Variants in LHFPL3 observed in about 807,000 individuals in gnomAD.
The protein encoded by LHFPL3 is LHFPL tetraspan subfamily member 3 protein.
Under a neutral mutation model 19.3 loss-of-function variants are expected in LHFPL3, and 5 were observed. The observed-to-expected ratio is 0.26, with a 90% CI of 0.14 to 0.54. The LOEUF (loss-of-function observed/expected upper bound fraction) is 0.54. Among genes scored for constraint, LHFPL3 ranks in the 20% least tolerant of loss-of-function variants. LHFPL3 has a pLI of 0.94. For missense variants in LHFPL3, 249 were observed against 307.4 expected, an observed-to-expected ratio of 0.81 and a Z score of 1.42; for synonymous variants, 133 against 126.2, an observed-to-expected ratio of 1.05 and a Z score of -0.36.
chr7:104,675,831 G>A (rs1792579275), intron 1 of LHFPL3, among the ~76,000 whole-genome samples: 1 of 132,906 alleles, frequency 7.5e-6, no homozygotes, highest in Non-Finnish European at 1.7e-5. Context: ...ACTGGTTTGG[G>A]AGGAAAATCA....
intron 1 of LHFPL3, among the ~76,000 whole-genome samples, chr7:104,587,134 T>G (rs1304781437): frequency 6.6e-6 from 1 of 152,254 alleles, no homozygotes; most frequent in Non-Finnish European, 1.5e-5. Flanking sequence ...TGTATTTTTA[T>G]TATACTTTAA....
chr7:104,906,480 G>A lies in LHFPL3; in HGVS notation c.*265G>A, dbSNP rs527974383. On this transcript the variant is annotated 3_prime_UTR_variant, in exon 3 of 3. Transcript: ENST00000424859. The stretch of plus-strand genomic sequence containing the variant: ...AACTCATTGGATGAGATCAGAAAAC[G>A]TTCATGAAAAATCATATTCAGGAAA... 7.0e-4 allele frequency: 321 copies of A among 460,864 alleles called. 4 individuals are homozygous for A. In the South Asian group the frequency reaches 0.015, roughly 21 times the overall value. 28.5% of individuals were successfully genotyped at this position (460,864 alleles called of 1,614,324 possible). A position where few individuals can be genotyped will look rare whatever the true frequency, so the allele number is the denominator to read the frequency against.
intron 1 of LHFPL3, among the ~76,000 whole-genome samples, chr7:104,437,418 C>A (rs1042051628): frequency 1.3e-5 from 2 of 152,164 alleles, no homozygotes; most frequent in African/African-American, 4.8e-5. Flanking sequence ...CTCTGATGAA[C>A]AACAACGGGG....
chr7:104,825,168 A>G (rs989566179), intron 2 of LHFPL3, among the ~76,000 whole-genome samples: 2 of 151,718 alleles, frequency 1.3e-5, no homozygotes, highest in Non-Finnish European at 2.9e-5. Flanking sequence ...TAGGAGGACC[A>G]TAGAAGGAAC....
intron 1 of LHFPL3, among the ~76,000 whole-genome samples, chr7:104,442,375 G>T (rs1792244736): frequency 6.6e-6 from 1 of 151,958 alleles, no homozygotes; most frequent in South Asian, 2.1e-4. Context: ...ATATTGACAC[G>T]ACGCTTTGAG....
chr7:104,419,759 A>C (rs1298633537), intron 1 of LHFPL3, among the ~76,000 whole-genome samples: 1 of 152,172 alleles, frequency 6.6e-6, no homozygotes, highest in Non-Finnish European at 1.5e-5. Flanking sequence ...GTTTAGGTGA[A>C]GGAAAGGCTA....
intron 1 of LHFPL3, among the ~76,000 whole-genome samples, chr7:104,733,969 C>A (rs1269907144): frequency 6.6e-6 from 1 of 152,056 alleles, no homozygotes; most frequent in Non-Finnish European, 1.5e-5. Context: ...TTTATTTCTC[C>A]TTCACTTATG....
At chr7:104,587,617 T>C (rs1026548468) in intron 1 of LHFPL3, among the ~76,000 whole-genome samples, 30 of 152,184 alleles carry the variant, frequency 2.0e-4, no homozygotes, top group Non-Finnish European at 4.1e-4. Flanking sequence ...TGATTTATAA[T>C]CCTTTGGGTA....
At chr7:104,678,913 TA>T (rs1394148345) in intron 1 of LHFPL3, among the ~76,000 whole-genome samples, 12 of 152,366 alleles carry the variant, frequency 7.9e-5, no homozygotes, top group Middle Eastern at 3.4e-3. Context: ...AATTAAAATC[TA>T]AATAAGTTTT....
chr7:104,749,221 A>G (rs961643287), intron 2 of LHFPL3, among the ~76,000 whole-genome samples: 2 of 152,248 alleles, frequency 1.3e-5, no homozygotes, highest in African/African-American at 4.8e-5. Flanking sequence ...TTTGGATCTT[A>G]TCAGATGCTA....
At chr7:104,846,155 G>A (rs1791309343) in intron 2 of LHFPL3, among the ~76,000 whole-genome samples, 1 of 152,118 alleles carries the variant, frequency 6.6e-6, no homozygotes, top group Non-Finnish European at 1.5e-5. Context: ...TCCTTCTGGT[G>A]TTCCTTGATT....
At chr7:104,737,045 G>C (rs1398669615) in intron 2 of LHFPL3, 134 bp downstream of exon 2, 2 of 646,936 alleles carry the variant, frequency 3.1e-6, no homozygotes, top group Non-Finnish European at 5.4e-6. Flanking sequence ...CGTGTAGCTT[G>C]CAGACTTTAC....
At chr7:104,640,307 T>C (rs1461124004) in intron 1 of LHFPL3, among the ~76,000 whole-genome samples, 1 of 152,106 alleles carries the variant, frequency 6.6e-6, no homozygotes, top group African/African-American at 2.4e-5. Flanking sequence ...TGGTGTGTGA[T>C]TCCCCTCCCT....
chr7:104,751,369 G>T (rs201074180), intron 2 of LHFPL3, among the ~76,000 whole-genome samples: 2,260 of 128,406 alleles, frequency 0.018, no homozygotes, highest in East Asian at 0.042. Flanking sequence ...TAAATGAGGG[G>T]CAGGCACTTC....
intron 1 of LHFPL3, among the ~76,000 whole-genome samples, chr7:104,615,587 A>G (rs1584440902): frequency 6.6e-6 from 1 of 152,186 alleles, no homozygotes; most frequent in African/African-American, 2.4e-5. Context: ...GGTTTGTTAC[A>G]TAGGTATACA....
At chr7:104,668,686 C>T in intron 1 of LHFPL3, 2 of 1,608,930 alleles carry the variant, frequency 1.2e-6, no homozygotes, top group East Asian at 2.2e-5. Context: ...GATGATTACT[C>T]TCGGGATGAT....
chr7:104,657,351 G>GCCA (rs1383641544), intron 1 of LHFPL3, among the ~76,000 whole-genome samples: 1 of 152,218 alleles, frequency 6.6e-6, no homozygotes, highest in Non-Finnish European at 1.5e-5. Context: ...GCTATTCTGA[G>GCCA]CCATGTGTAG....
intron 1 of LHFPL3, among the ~76,000 whole-genome samples, chr7:104,436,065 C>T (rs891143817): frequency 2.0e-5 from 3 of 152,028 alleles, no homozygotes; most frequent in African/African-American, 7.2e-5. Context: ...ATAGTCTAGA[C>T]CTGCACTGAT....
At chr7:104,429,860 AAAAAG>A (rs926263271) in intron 1 of LHFPL3, among the ~76,000 whole-genome samples, 2 of 152,164 alleles carry the variant, frequency 1.3e-5, no homozygotes, top group Admixed American at 6.5e-5. Flanking sequence ...GCCAAGAAAA[AAAAAG>A]GAGAGTGATA....
Sources: gnomAD v4.1 joint callset for allele counts (sites outside exome capture counted in the v4.1 genomes callset) on GRCh38, gnomAD v4.1.1 for gene constraint, MANE v1.5 for transcripts, NCBI Gene and HGNC (gene_info 2026-07-23, HGNC 2026-07-21) for gene names.